Variants in CAST observed in about 807,000 individuals in gnomAD.
The protein encoded by CAST is MIR583 host.
A neutral mutation model predicts 119.6 loss-of-function variants in CAST; 76 were observed. That is an observed-to-expected ratio of 0.64 (90% CI 0.53 to 0.77). CAST has a LOEUF of 0.77. CAST is among the 30% of genes least tolerant of loss of function. The pLI, the probability that CAST is intolerant of heterozygous loss-of-function variation, is 0.00. For missense variants in CAST, 953 were observed against 946.5 expected (o/e 1.01, Z -0.09); for synonymous variants, 319 against 331.6 (o/e 0.96, Z 0.41).
chr5:96,454,200 G>A, the CAST span, among the ~76,000 whole-genome samples: 4 of 152,090 alleles, frequency 2.6e-5, no homozygotes, highest in Non-Finnish European at 5.9e-5. Flanking sequence ...CGTGGTAGCC[G>A]TACAATCTAT....
At chr5:95,997,963 G>GTTTTTTTTT in the CAST span, among the ~76,000 whole-genome samples, 3 of 93,654 alleles carry the variant, frequency 3.2e-5, no homozygotes, top group South Asian at 3.9e-4. Context: ...TTGAGAGAGG[G>GTTTTTTTTT]TTTTTTTTTT....
chr5:96,774,628 A>G lies in CAST; in HGVS notation c.*2012A>G, dbSNP rs1467198702. 2.0e-6 allele frequency: 2 copies of G among 985,452 alleles called. No individual in the cohort carries two copies. The highest frequency in any genetic ancestry group is 9.4e-5 in the South Asian group (2 of 21,290). 61.0% of individuals were successfully genotyped at this position (985,452 alleles called of 1,614,324 possible). A position where few individuals can be genotyped will look rare whatever the true frequency, so the allele number is the denominator to read the frequency against. ...ACCAAAACTGAAAATCAATATTTCC[A>G]TGTTTCATTAATCAAGGCATAAAAT... On this transcript the variant is annotated 3_prime_UTR_variant, in exon 32 of 32. Transcript: ENST00000675179.
chr5:96,357,212 C>G, the CAST span, among the ~76,000 whole-genome samples: 2 of 152,206 alleles, frequency 1.3e-5, no homozygotes, highest in Non-Finnish European at 2.9e-5. Flanking sequence ...AGTTGCTTAT[C>G]AGCGTAAGGA....
chr5:96,425,415 A>G, the CAST span, among the ~76,000 whole-genome samples: 1 of 152,218 alleles, frequency 6.6e-6, no homozygotes, highest in Admixed American at 6.5e-5. Context: ...AAGAATTGTC[A>G]TTCAGGGTTG....
At chr5:96,515,353 C>T in the CAST span, among the ~76,000 whole-genome samples, 1 of 151,310 alleles carries the variant, frequency 6.6e-6, no homozygotes, top group South Asian at 2.1e-4. Flanking sequence ...TAGCCTGTTT[C>T]CTGCTTGAAA....
Position 96,662,490 on chromosome 5 carries a change from C to A in CAST, c.68C>A (p.Thr23Asn). The A allele has an allele frequency of 1.4e-6, 2 of 1,429,196 alleles. No homozygotes were observed. Among genetic ancestry groups the A allele is most frequent in the Non-Finnish European group, 1.8e-6 (2 of 1,095,436 alleles). The allele number at this position is 1,429,196 out of a possible 1,614,324, so 88.5% of individuals were successfully genotyped here. The part of the protein sequence containing the change: ...RPRRAAAARR[T>N]HEHVSEKTSE... ...CGGCGAGCAGCCGCCGCCCGCCGCA[C>A]CCATGAGGTGAGTGGCGCTCCTGTC... is the stretch of plus-strand genomic sequence containing the variant. The change falls in exon 1 of 32, where the codon ACC (threonine) becomes AAC (asparagine). Residue 23 changes from threonine (T) to asparagine (N), a missense_variant. Thr to Asn is a moderately conservative substitution (Grantham distance 65). Transcript: ENST00000675179.
chr5:96,578,283 A>ATT (rs71617127), intron 1 of CAST, among the ~76,000 whole-genome samples: 1 of 145,736 alleles, frequency 6.9e-6, no homozygotes, highest in South Asian at 2.1e-4. Context: ...ATCTTTTTCC[A>ATT]TTTTTTTTTT....
At chr5:96,410,177 G>A in the CAST span, among the ~76,000 whole-genome samples, 1,160 of 152,174 alleles carry the variant, frequency 7.6e-3, 16 homozygotes, top group African/African-American at 0.026. Context: ...GCCCTTGGCC[G>A]TCTGACTCAT....
At chr5:96,327,289 A>C in the CAST span, among the ~76,000 whole-genome samples, 1 of 152,214 alleles carries the variant, frequency 6.6e-6, no homozygotes, top group Admixed American at 6.5e-5. Flanking sequence ...GGTAATTGTT[A>C]TCATTATCAT....
At chr5:96,182,939 C>A in the CAST span, among the ~76,000 whole-genome samples, 2 of 151,906 alleles carry the variant, frequency 1.3e-5, no homozygotes, top group Admixed American at 1.3e-4. Context: ...GAGATCGAGA[C>A]CATCCTGGCT....
the CAST span, among the ~76,000 whole-genome samples, chr5:96,148,847 C>G: frequency 6.6e-6 from 1 of 152,224 alleles, no homozygotes; most frequent in Admixed American, 6.5e-5. Context: ...TTGGAAGAAG[C>G]AGACTCCAGT....
At chr5:96,475,639 C>T in the CAST span, among the ~76,000 whole-genome samples, 5 of 152,162 alleles carry the variant, frequency 3.3e-5, no homozygotes, top group African/African-American at 1.2e-4. Context: ...CTATTAAGCA[C>T]ACAGATTATT....
chr5:96,220,520 T>TTTA, the CAST span, among the ~76,000 whole-genome samples: 1 of 152,224 alleles, frequency 6.6e-6, no homozygotes, highest in Non-Finnish European at 1.5e-5. Context: ...AAAAAGAAAC[T>TTTA]GATACCCAAA....
At chr5:96,193,339 G>A in the CAST span, among the ~76,000 whole-genome samples, 3 of 143,778 alleles carry the variant, frequency 2.1e-5, no homozygotes, top group East Asian at 6.1e-4. Flanking sequence ...GTCCTGCTGG[G>A]AACTGTAGAG....
At chr5:96,499,075 C>A in the CAST span, among the ~76,000 whole-genome samples, 1 of 150,092 alleles carries the variant, frequency 6.7e-6, no homozygotes, top group South Asian at 2.1e-4. Flanking sequence ...CATTGGCAAG[C>A]TTAGGGTTAA....
the CAST span, among the ~76,000 whole-genome samples, chr5:96,180,525 A>G: frequency 3.3e-5 from 5 of 152,244 alleles, no homozygotes; most frequent in Admixed American, 6.5e-5. Flanking sequence ...GTTTTCCACA[A>G]CAATCATATG....
chr5:96,175,869 C>T, the CAST span, among the ~76,000 whole-genome samples: 1 of 152,226 alleles, frequency 6.6e-6, no homozygotes, highest in South Asian at 2.1e-4. Flanking sequence ...TATTCCAGCA[C>T]TAAGAGTACA....
the CAST span, among the ~76,000 whole-genome samples, chr5:96,279,550 A>G: frequency 6.6e-6 from 1 of 152,166 alleles, no homozygotes. Context: ...CAAACAACGT[A>G]TTTTTTAATT....
upstream of CAST, among the ~76,000 whole-genome samples, chr5:96,521,427 T>A (rs1482204456): frequency 2.0e-5 from 3 of 152,176 alleles, no homozygotes; most frequent in East Asian, 5.8e-4. Context: ...CCCAAAGTAA[T>A]GTTCTCCATA....
Sources: allele counts gnomAD v4.1 joint callset (sites outside exome capture counted in the v4.1 genomes callset), GRCh38; gene constraint gnomAD v4.1.1; transcripts MANE v1.5; gene names NCBI Gene and HGNC (gene_info 2026-07-23, HGNC 2026-07-21).